TENT5D: variants seen among roughly 807,000 people sequenced by gnomAD.
TENT5D encodes the protein cancer/testis antigen 112.
For synonymous variants in TENT5D, 103 were observed against 100.6 expected (o/e 1.02, Z -0.15); for missense variants, 191 against 287.0 (o/e 0.67, Z 2.42).
chrX:80,342,449 A>G (rs889239978), intron 2 of TENT5D: 1 of 112,444 alleles, frequency 8.9e-6, no homozygotes, highest in African/African-American at 3.2e-5. Context: ...GAATGAGGCA[A>G]TGATCCAGAC....
At chrX:80,346,109 TG>T (rs750753993) in intron 3 of TENT5D, among the ~76,000 whole-genome samples, 2 of 112,305 alleles carry the variant, frequency 1.8e-5, no homozygotes, top group South Asian at 3.7e-4. Context: ...GTCATTTAAA[TG>T]GAATCATACA....
chrX:80,414,963 A>G (rs372211853), intron 3 of TENT5D, among the ~76,000 whole-genome samples: 1 of 111,286 alleles, frequency 9.0e-6, no homozygotes, highest in East Asian at 2.8e-4. Context: ...TATGTCTGAT[A>G]TTTTTATCAG....
chrX:80,337,624 A>G (rs1192001902), intron 2 of TENT5D, among the ~76,000 whole-genome samples: 1 of 111,949 alleles, frequency 8.9e-6, no homozygotes, highest in African/African-American at 3.2e-5. Context: ...CCATATGAAT[A>G]TATTGTAATT....
chrX:80,433,978 TA>T (rs967627940), intron 1 of TENT5D, among the ~76,000 whole-genome samples: 10 of 106,867 alleles, frequency 9.4e-5, no homozygotes, highest in African/African-American at 2.4e-4. Flanking sequence ...CTACTAAAAA[TA>T]AAAAAAAATT....
rs769747461 is a variant in TENT5D, at chrX:80,345,582, C to T, written c.-142+3018C>T. Among the ~76,000 whole-genome samples the T allele has an allele frequency of 2.7e-5, 3 of 111,736 alleles. No individual in the cohort carries two copies. The South Asian group carries it at 1.1e-3, about 42-fold the overall frequency. ...GTGGGAAAGGTGCTCCCAGGGATTA[C>T]CCTGTTAGCATCCCTGCCTTACTTG... On this transcript the variant is annotated intron_variant, in intron 3 of 4. Coordinates refer to the TENT5D transcript ENST00000538312.
intron 3 of TENT5D, among the ~76,000 whole-genome samples, chrX:80,411,391 A>C (rs1239824945): frequency 8.9e-6 from 1 of 112,249 alleles, no homozygotes; most frequent in African/African-American, 3.2e-5. Flanking sequence ...CATTTACTAC[A>C]TGCTTGAACT....
intron 3 of TENT5D, among the ~76,000 whole-genome samples, chrX:80,361,143 C>T (rs1265317853): frequency 8.9e-6 from 1 of 112,132 alleles, no homozygotes; most frequent in Non-Finnish European, 1.9e-5. Flanking sequence ...CTCTCATACA[C>T]CTCAGTATTC....
intron 3 of TENT5D, among the ~76,000 whole-genome samples, chrX:80,361,538 A>G (rs184998099): frequency 2.7e-5 from 3 of 112,160 alleles, no homozygotes; most frequent in Non-Finnish European, 5.6e-5. Context: ...TTTCAGTCCA[A>G]TTAATGGTGT....
At chrX:80,340,439 G>T (rs752605642) in intron 2 of TENT5D, among the ~76,000 whole-genome samples, 1 of 111,016 alleles carries the variant, frequency 9.0e-6, no homozygotes, top group South Asian at 3.8e-4. Context: ...CTTCATTCTA[G>T]ATTGATTCTC....
chrX:80,397,300 G>T (rs371713072), intron 3 of TENT5D, among the ~76,000 whole-genome samples: 12,782 of 105,558 alleles, frequency 0.12, 957 homozygotes, highest in East Asian at 0.46. Flanking sequence ...CGGGGTGGCG[G>T]GGCAGAGGCG....
At chrX:80,430,288 AC>A (rs1308341475) in intron 1 of TENT5D, among the ~76,000 whole-genome samples, 1 of 111,592 alleles carries the variant, frequency 9.0e-6, no homozygotes, top group Non-Finnish European at 1.9e-5. Context: ...CCCTAATAGT[AC>A]CATGTCCATT....
intron 3 of TENT5D, among the ~76,000 whole-genome samples, chrX:80,353,683 G>A (rs777699894): frequency 6.2e-5 from 7 of 112,096 alleles, no homozygotes; most frequent in Non-Finnish European, 1.1e-4. Flanking sequence ...TACCACTGAT[G>A]GTCATTGAGT....
chrX:80,387,409 GGT>G (rs998162946), intron 3 of TENT5D, among the ~76,000 whole-genome samples: 1 of 111,799 alleles, frequency 8.9e-6, no homozygotes, highest in African/African-American at 3.3e-5. Flanking sequence ...AAGGAACTTG[GGT>G]GTTGTGATCT....
intron 3 of TENT5D, among the ~76,000 whole-genome samples, chrX:80,383,363 C>T (rs761100546): frequency 4.1e-4 from 46 of 111,802 alleles, no homozygotes; most frequent in Admixed American, 1.8e-3. Context: ...TAACAGCTCA[C>T]AAATTACTCA....
At chrX:80,406,081 A>G (rs1343173331) in intron 3 of TENT5D, among the ~76,000 whole-genome samples, 5 of 109,824 alleles carry the variant, frequency 4.6e-5, no homozygotes, top group African/African-American at 1.7e-4. Context: ...AAGGACATCC[A>G]CACCAAAAAC....
At chrX:80,386,511 A>T (rs1163149212) in intron 3 of TENT5D, among the ~76,000 whole-genome samples, 1 of 111,294 alleles carries the variant, frequency 9.0e-6, no homozygotes, top group African/African-American at 3.3e-5. Flanking sequence ...CATATGTAAC[A>T]AACATGCACA....
At chrX:80,370,116 G>A (rs1451394050) in intron 3 of TENT5D, among the ~76,000 whole-genome samples, 1 of 107,958 alleles carries the variant, frequency 9.3e-6, no homozygotes, top group East Asian at 2.9e-4. Flanking sequence ...TTTAAAATTT[G>A]TTTTTGGTAG....
intron 3 of TENT5D, among the ~76,000 whole-genome samples, chrX:80,387,631 G>A (rs1368696133): frequency 9.0e-6 from 1 of 111,362 alleles, no homozygotes; most frequent in Non-Finnish European, 1.9e-5. Context: ...TCTGCAGCTG[G>A]GGGCGGAGTG....
At chrX:80,350,016 C>CAGTT (rs1162307194) in intron 3 of TENT5D, among the ~76,000 whole-genome samples, 1 of 109,350 alleles carries the variant, frequency 9.1e-6, no homozygotes, top group Non-Finnish European at 1.9e-5. Context: ...GTCTGAGAGG[C>CAGTT]TGTTATGATT....
Sources: allele counts gnomAD v4.1 joint callset (sites outside exome capture counted in the v4.1 genomes callset), GRCh38; gene constraint gnomAD v4.1.1; transcripts MANE v1.5; gene names NCBI Gene and HGNC (gene_info 2026-07-23, HGNC 2026-07-21).